Variants in LRRC74A observed in about 807,000 individuals in gnomAD.
LRRC74A encodes leucine-rich repeat-containing protein 74A.
LRRC74A carries 44 observed loss-of-function variants against 57.9 expected under a neutral mutation model. The observed-to-expected ratio is 0.76, with a 90% CI of 0.60 to 0.98. The LOEUF (loss-of-function observed/expected upper bound fraction) is 0.98, where lower values mean the gene tolerates loss of function less well. Ranked by LOEUF, LRRC74A falls within the 50% of genes least tolerant of loss-of-function variation. LRRC74A has a pLI of 0.00. For missense variants in LRRC74A, 572 were observed against 574.0 expected (o/e 1.00, Z 0.04); for synonymous variants, 211 against 219.4 (o/e 0.96, Z 0.34).
At chr14:76,833,436 CTTTTTT>C (rs61149051) in intron 3 of LRRC74A, among the ~76,000 whole-genome samples, 3 of 69,022 alleles carry the variant, frequency 4.3e-5, no homozygotes, top group South Asian at 1.2e-3. Flanking sequence ...ATTCACATCA[CTTTTTT>C]TTTTTTTTTT....
intron 1 of LRRC74A, among the ~76,000 whole-genome samples, chr14:76,827,327 T>C (rs999350067): frequency 6.6e-5 from 10 of 152,186 alleles, no homozygotes; most frequent in Non-Finnish European, 1.5e-4. Flanking sequence ...AAGACCTGCA[T>C]GGACTCATTA....
chr14:76,860,136 G>A (rs985610106), intron 10 of LRRC74A, among the ~76,000 whole-genome samples: 1 of 152,092 alleles, frequency 6.6e-6, no homozygotes, highest in African/African-American at 2.4e-5. Flanking sequence ...AATGTACTCC[G>A]AGCCACATCT....
At chr14:76,848,761 A>T (rs1897259498) in intron 7 of LRRC74A, among the ~76,000 whole-genome samples, 1 of 152,164 alleles carries the variant, frequency 6.6e-6, no homozygotes, top group South Asian at 2.1e-4. Flanking sequence ...AAGAAGGAGG[A>T]GGTAATTACA....
chr14:76,833,759 T>C (rs1457459369), intron 3 of LRRC74A, among the ~76,000 whole-genome samples: 1 of 152,140 alleles, frequency 6.6e-6, no homozygotes, highest in East Asian at 1.9e-4. Flanking sequence ...ACTTTTATGA[T>C]AGTATATTAT....
At chr14:76,850,548 T>C (rs1897381757) in intron 7 of LRRC74A, among the ~76,000 whole-genome samples, 1 of 152,006 alleles carries the variant, frequency 6.6e-6, no homozygotes, top group African/African-American at 2.4e-5. Flanking sequence ...AGAAGCATGA[T>C]CAGAACGTAG....
At chr14:76,829,590 G>A (rs879371282) in intron 2 of LRRC74A, among the ~76,000 whole-genome samples, 8 of 152,172 alleles carry the variant, frequency 5.3e-5, no homozygotes, top group Admixed American at 2.6e-4. Context: ...TAACACTGTC[G>A]CAAGCTGCCC....
chr14:76,856,964 T>C (rs1162880183), intron 9 of LRRC74A, among the ~76,000 whole-genome samples: 5 of 138,458 alleles, frequency 3.6e-5, no homozygotes, highest in African/African-American at 5.9e-5. Context: ...GATAAGTTGG[T>C]GGTTGGATGG....
chr14:76,827,043 C>G (rs978802052), intron 1 of LRRC74A, among the ~76,000 whole-genome samples: 4 of 152,218 alleles, frequency 2.6e-5, no homozygotes, highest in Admixed American at 2.0e-4. Flanking sequence ...TTGGCTAACA[C>G]TATAAATCAG....
At chr14:76,857,144 A>T (rs888498567) in intron 9 of LRRC74A, among the ~76,000 whole-genome samples, 1 of 92,508 alleles carries the variant, frequency 1.1e-5, no homozygotes, top group African/African-American at 3.2e-5. Flanking sequence ...ATGGGAGAGC[A>T]GTGAGATGGA....
intron 4 of LRRC74A, among the ~76,000 whole-genome samples, 157 bp downstream of exon 4, chr14:76,836,471 G>C (rs889852229): frequency 6.6e-6 from 1 of 152,190 alleles, no homozygotes; most frequent in Admixed American, 6.5e-5. Flanking sequence ...CCACATGTGA[G>C]AGGCTGTGTT....
chr14:76,850,842 CTCAAAAAA>C (rs1399820065), intron 7 of LRRC74A, among the ~76,000 whole-genome samples: 6 of 69,090 alleles, frequency 8.7e-5, no homozygotes, highest in East Asian at 6.6e-4. Flanking sequence ...AAAACTCTGT[CTCAAAAAA>C]AAAAAAAAAA....
intron 7 of LRRC74A, among the ~76,000 whole-genome samples, chr14:76,851,339 C>T (rs191584653): frequency 6.6e-6 from 1 of 152,300 alleles, no homozygotes; most frequent in African/African-American, 2.4e-5. Context: ...TAATATTCCA[C>T]CAGATAAATA....
intron 11 of LRRC74A, 60 bp from the exon 12 acceptor site, chr14:76,865,908 G>C: frequency 2.3e-6 from 3 of 1,288,046 alleles, no homozygotes; most frequent in Non-Finnish European, 3.3e-6. Flanking sequence ...AGGGAAGGGG[G>C]ACCTGCGATC....
chr14:76,836,658 G>A (rs1896366449), intron 4 of LRRC74A, among the ~76,000 whole-genome samples: 1 of 151,600 alleles, frequency 6.6e-6, no homozygotes. Context: ...AAATTAGCAG[G>A]CATGGTGGTG....
At chr14:76,868,426 A>C (rs117123657) in intron 13 of LRRC74A, among the ~76,000 whole-genome samples, 3,035 of 152,338 alleles carry the variant, frequency 0.02, 42 homozygotes, top group Non-Finnish European at 0.029. Flanking sequence ...CCGAGATTGC[A>C]TCACTGCACT....
At position 76,860,734 on chromosome 14, in the gene LRRC74A, A is replaced by G; in HGVS notation, c.1095A>G (p.Gly365=). The G allele has an allele frequency of 6.2e-7, 1 of 1,612,036 alleles. No individual in the cohort carries two copies. Among genetic ancestry groups the G allele is most frequent in the Non-Finnish European group, 8.5e-7 (1 of 1,178,514 alleles). ...AGCAGTTCATGAAAACGTTGGACGGAGTGTATGCCGTTCACCCGCAGCTGG... is the reference window on the plus strand; with the variant it reads ...AGCAGTTCATGAAAACGTTGGACGGGGTGTATGCCGTTCACCCGCAGCTGG... ...VSEQFMKTLD[G]VYAVHPQLDV... Residue 365 remains glycine (G), a synonymous_variant, in exon 11 of 14, where the codon GGA becomes GGG. Transcript: ENST00000689127.
At position 76,860,857 on chromosome 14, in the gene LRRC74A, T is replaced by C; in HGVS notation, c.1200+18T>C. The stretch of plus-strand genomic sequence containing the variant: ...TGATCCAGGTGAGCTCCTGCCTTCC[T>C]CTCAGGGCCTCCAGGGAGCCCTGGG... On this transcript the variant is annotated intron_variant, in intron 11 of 13. Transcript: ENST00000689127. 1 of 1,572,974 alleles carries C rather than the reference T, an allele frequency of 6.4e-7. No homozygotes were observed. Among genetic ancestry groups the C allele is most frequent in the Admixed American group, 1.8e-5 (1 of 55,636 alleles).
chr14:76,858,708 C>T (rs546942925), intron 10 of LRRC74A, among the ~76,000 whole-genome samples: 58 of 152,292 alleles, frequency 3.8e-4, no homozygotes, highest in African/African-American at 1.3e-3. Flanking sequence ...GTGCCTCAGC[C>T]TCCAGAGTAT....
At chr14:76,836,103 T>A (rs1040555476) in intron 3 of LRRC74A, 104 bp from the exon 4 acceptor site, 5 of 793,554 alleles carry the variant, frequency 6.3e-6, no homozygotes, top group Non-Finnish European at 8.4e-6. Flanking sequence ...ATTCCTAGCC[T>A]GCATCTCCAC....
Sources: gnomAD v4.1 joint callset for allele counts (sites outside exome capture counted in the v4.1 genomes callset) on GRCh38, gnomAD v4.1.1 for gene constraint, MANE v1.5 for transcripts, NCBI Gene and HGNC (gene_info 2026-07-23, HGNC 2026-07-21) for gene names.